ROR1: variants seen among roughly 807,000 people sequenced by gnomAD.
The protein encoded by ROR1 is ROR family WNT receptor 1.
Under a neutral mutation model 78.8 loss-of-function variants are expected in ROR1, and 19 were observed. That is an observed-to-expected ratio of 0.24 (90% confidence interval 0.17 to 0.35). The LOEUF (loss-of-function observed/expected upper bound fraction) is 0.35. Ranked by LOEUF, ROR1 falls within the 10% of genes least tolerant of loss-of-function variation. ROR1 has a pLI of 1.00. For missense variants in ROR1, 917 were observed against 1,177.8 expected (o/e 0.78, Z 3.24); for synonymous variants, 386 against 433.6 (o/e 0.89, Z 1.36).
chr1:64,126,717 A>G (rs1014943210), intron 4 of ROR1, among the ~76,000 whole-genome samples: 1 of 152,156 alleles, frequency 6.6e-6, no homozygotes, highest in Admixed American at 6.5e-5. Context: ...CCACTCAGCA[A>G]TGCCAAGTTC....
At chr1:63,860,193 C>G (rs576358402) in intron 1 of ROR1, among the ~76,000 whole-genome samples, 33 of 152,146 alleles carry the variant, frequency 2.2e-4, no homozygotes, top group African/African-American at 7.7e-4. Flanking sequence ...TCAGGCCTTT[C>G]TTCACCACAC....
intron 4 of ROR1, among the ~76,000 whole-genome samples, chr1:64,088,837 C>T (rs1647173549): frequency 6.6e-6 from 1 of 152,076 alleles, no homozygotes; most frequent in South Asian, 2.1e-4. Context: ...TTTTGAAATC[C>T]TTGGAAAGCA....
At chr1:63,852,061 C>T (rs1257201896) in intron 1 of ROR1, among the ~76,000 whole-genome samples, 2 of 152,226 alleles carry the variant, frequency 1.3e-5, no homozygotes, top group East Asian at 3.8e-4. Context: ...AGGCATATGA[C>T]AAATCCTTCA....
chr1:63,912,683 G>A (rs1316763504), intron 1 of ROR1, among the ~76,000 whole-genome samples: 1 of 152,194 alleles, frequency 6.6e-6, no homozygotes, highest in Non-Finnish European at 1.5e-5. Context: ...GTTGGGCTAA[G>A]AGGCTGGGTT....
chr1:63,904,100 C>T (rs1176169581), intron 1 of ROR1, among the ~76,000 whole-genome samples: 2 of 152,142 alleles, frequency 1.3e-5, no homozygotes, highest in Non-Finnish European at 2.9e-5. Flanking sequence ...TCAGGGGCAT[C>T]AGTTCAGGGG....
chr1:64,167,324 C>G (rs767168588), intron 8 of ROR1, among the ~76,000 whole-genome samples: 2 of 152,180 alleles, frequency 1.3e-5, no homozygotes, highest in Non-Finnish European at 2.9e-5. Flanking sequence ...TGCTCACCAC[C>G]AAACATTCAA....
chr1:63,994,352 G>T (rs1260978820), intron 1 of ROR1, among the ~76,000 whole-genome samples: 5 of 151,990 alleles, frequency 3.3e-5, no homozygotes, highest in South Asian at 4.1e-4. Flanking sequence ...TTGAATTTTT[G>T]CAATCAGACC....
intron 1 of ROR1, among the ~76,000 whole-genome samples, chr1:63,925,191 G>A (rs1377782433): frequency 2.8e-5 from 4 of 141,120 alleles, no homozygotes; most frequent in Admixed American, 2.2e-4. Context: ...AGTCCCCAGA[G>A]TGTGATATTC....
At chr1:64,093,569 C>T (rs1647223956) in intron 4 of ROR1, among the ~76,000 whole-genome samples, 2 of 152,004 alleles carry the variant, frequency 1.3e-5, no homozygotes, top group African/African-American at 4.8e-5. Context: ...ATCCTCCCCC[C>T]ATACTACCTC....
intron 2 of ROR1, among the ~76,000 whole-genome samples, chr1:64,041,756 G>C (rs1341126173): frequency 6.6e-6 from 1 of 152,180 alleles, no homozygotes; most frequent in Non-Finnish European, 1.5e-5. Flanking sequence ...ATTAGTCCTT[G>C]TGTTTTCAAG....
At chr1:63,996,540 G>A (rs2100527673) in intron 1 of ROR1, among the ~76,000 whole-genome samples, 1 of 152,224 alleles carries the variant, frequency 6.6e-6, no homozygotes, top group Admixed American at 6.5e-5. Context: ...CTGTCTTGCA[G>A]GATGATAGTA....
intron 1 of ROR1, among the ~76,000 whole-genome samples, chr1:63,946,157 T>C (rs1645887578): frequency 6.6e-6 from 1 of 152,194 alleles, no homozygotes; most frequent in Admixed American, 6.5e-5. Flanking sequence ...TTGGCTGGTG[T>C]GTGGCTCTGG....
chr1:64,000,038 G>A (rs889762786), intron 1 of ROR1, among the ~76,000 whole-genome samples: 1 of 152,092 alleles, frequency 6.6e-6, no homozygotes, highest in Non-Finnish European at 1.5e-5. Flanking sequence ...TTATAAAATG[G>A]ATTATAAAAT....
intron 4 of ROR1, among the ~76,000 whole-genome samples, chr1:64,052,830 A>G (rs938065086): frequency 2.0e-5 from 3 of 151,854 alleles, no homozygotes; most frequent in Non-Finnish European, 4.4e-5. Context: ...TGGCATTCCT[A>G]GTTGGCATTT....
intron 1 of ROR1, among the ~76,000 whole-genome samples, chr1:63,806,834 C>T (rs914122671): frequency 6.6e-5 from 10 of 152,122 alleles, no homozygotes; most frequent in Non-Finnish European, 1.3e-4. Context: ...CTTGTTGTAT[C>T]ATAAGCCATT....
intron 1 of ROR1, among the ~76,000 whole-genome samples, chr1:63,958,707 C>G (rs1397191679): frequency 3.3e-5 from 5 of 152,082 alleles, no homozygotes; most frequent in Non-Finnish European, 7.4e-5. Context: ...CACCTATGTC[C>G]GTAGTATGTA....
chr1:63,861,459 G>C (rs1645181142), intron 1 of ROR1, among the ~76,000 whole-genome samples: 1 of 152,010 alleles, frequency 6.6e-6, no homozygotes, highest in Admixed American at 6.6e-5. Context: ...CTTGAGTGTT[G>C]TGTCTCTAGG....
At chr1:63,929,899 A>T (rs559204297) in intron 1 of ROR1, among the ~76,000 whole-genome samples, 1 of 152,264 alleles carries the variant, frequency 6.6e-6, no homozygotes, top group African/African-American at 2.4e-5. Flanking sequence ...CTGGCCCAGA[A>T]CCTGGTCTCT....
intron 4 of ROR1, among the ~76,000 whole-genome samples, chr1:64,103,346 A>T (rs1309730231): frequency 6.6e-6 from 1 of 152,092 alleles, no homozygotes; most frequent in Non-Finnish European, 1.5e-5. Flanking sequence ...AATGCAAAAA[A>T]AAAAAAGTAA....
Sources: gnomAD v4.1 joint callset for allele counts (sites outside exome capture counted in the v4.1 genomes callset) on GRCh38, gnomAD v4.1.1 for gene constraint, MANE v1.5 for transcripts, NCBI Gene and HGNC (gene_info 2026-07-23, HGNC 2026-07-21) for gene names.